Variants in PPP1R3D observed in about 807,000 individuals in gnomAD.
The protein encoded by PPP1R3D is protein phosphatase 1 regulatory subunit 3D, also known as PP1 subunit R6.
In PPP1R3D, 27 loss-of-function variants were observed where a neutral mutation model predicts 16.3. The ratio of observed to expected loss-of-function variants is 1.66; its 90% confidence interval spans 1.22 to 2.29. PPP1R3D has a LOEUF of 2.29. PPP1R3D is among the 30% of genes most tolerant of loss of function. PPP1R3D has a pLI of 0.00. For missense variants in PPP1R3D, 472 were observed against 438.3 expected (o/e 1.08, Z -0.69); for synonymous variants, 223 against 209.7 (o/e 1.06, Z -0.55).
rs751359121 is a variant in PPP1R3D at position 59,939,332 on chromosome 20, G to C, written c.600C>G (p.Phe200Leu). Residue 200 changes from phenylalanine (F) to leucine (L), a missense_variant, in exon 1 of 1, where the codon TTC becomes TTG. Transcript: ENST00000370996. ...SGTVRVCNVA[F>L]EKQVAVRYTF... Reference sequence around the variant, plus strand: ...TGTAGCGCACAGCCACCTGCTTCTCGAAGGCCACGTTGCACACGCGCACCG... The same window carrying C: ...TGTAGCGCACAGCCACCTGCTTCTCCAAGGCCACGTTGCACACGCGCACCG... 12 of 1,611,388 alleles carry C rather than the reference G, an allele frequency of 7.4e-6. No individual in the cohort carries two copies. In the African/African-American group the frequency reaches 1.6e-4, roughly 22 times the overall value.
rs1449347966 is a variant in PPP1R3D, at chr20:59,939,083, C to CG, written c.848dup (p.Leu284AlafsTer74). The CG allele has an allele frequency of 6.3e-7, 1 of 1,587,764 alleles. No homozygotes were observed. The highest frequency in any genetic ancestry group is 8.5e-7 in the Non-Finnish European group (1 of 1,170,670). On this transcript the variant is annotated frameshift_variant, in exon 1 of 1. Transcript: ENST00000370996. LOFTEE classifies it high-confidence loss of function. ...CGCACTCCCCGCGAGGCATGTGCAGCGCGTGGTTGCGACATGTGAGGCTGT... is the reference window on the plus strand; with the variant it reads ...CGCACTCCCCGCGAGGCATGTGCAGCGGCGTGGTTGCGACATGTGAGGCTGT...
Position 59,939,558 on chromosome 20 carries a change from G to C in PPP1R3D, c.374C>G (p.Pro125Arg). The change falls in exon 1 of 1, where the codon CCG becomes CGG. Residue 125 changes from proline to arginine, a missense_variant. Physicochemically the swap from Pro to Arg is moderately radical, Grantham distance 103. Transcript: ENST00000370996. ...CGACAGCACGTGCAGCGGCACGGAC[G>C]GGTCGTCTCCCGCGTTGAACACCTT... is the stretch of plus-strand genomic sequence containing the variant. ...QVKVFNAGDD[P>R]SVPLHVLSRL... 2 of 1,611,550 alleles carry C rather than the reference G, an allele frequency of 1.2e-6. No homozygotes were observed. Among genetic ancestry groups the C allele is most frequent in the Non-Finnish European group, 1.7e-6 (2 of 1,179,404 alleles).
rs1050573083 is a variant in PPP1R3D at position 59,939,482 on chromosome 20, G to T, written c.450C>A (p.Phe150Leu). The T allele has an allele frequency of 6.2e-7, 1 of 1,612,218 alleles. No homozygotes were observed. The highest frequency in any genetic ancestry group is 1.3e-5 in the African/African-American group (1 of 75,052). The change falls in exon 1 of 1, where the codon TTC becomes TTA. Residue 150 changes from phenylalanine to leucine, a missense_variant. By Grantham distance (22) the Phe-to-Leu change is conservative. Transcript: ENST00000370996. ...DLCCSSQDLE[F>L]TLHCLVPDFP... ...AATCGGGCACCAGGCAATGCAGGGT[G>T]AACTCCAGGTCCTGGCTGCTGCAGC...
chr20:59,936,969 T>C lies in PPP1R3D; in HGVS notation c.*2063A>G, dbSNP rs2060866528. 1 of 152,674 alleles carries C rather than the reference T, an allele frequency of 6.5e-6. No individual in the cohort carries two copies. Among genetic ancestry groups the C allele is most frequent in the African/African-American group, 2.4e-5 (1 of 41,464 alleles). The allele number at this position is 152,674 out of a possible 1,614,324, so 9.5% of individuals were successfully genotyped here. A position where few individuals can be genotyped will look rare whatever the true frequency, so the allele number is the denominator to read the frequency against. On this transcript the variant is annotated 3_prime_UTR_variant, in exon 1 of 1. Transcript: ENST00000370996. ...TAACATCTAAGTAATATAACTGTTT[T>C]AGGGTCTGAAAGTTCTCCTTCAGTT...
In PPP1R3D at chr20:59,940,112, G is replaced by C; in HGVS notation, c.-181C>G. The C allele has an allele frequency of 2.3e-6, 1 of 435,042 alleles. No homozygotes were observed. Among genetic ancestry groups the C allele is most frequent in the Non-Finnish European group, 4.0e-6 (1 of 247,970 alleles). The allele number at this position is 435,042 out of a possible 1,614,324, so 26.9% of individuals were successfully genotyped here. A position where few individuals can be genotyped will look rare whatever the true frequency, so the allele number is the denominator to read the frequency against. ...CCTTGCTCCTCGAGTCCTTGTCCAG[G>C]TCCTCCGCTTCTTGCGGTTAAAGAA... On this transcript the variant is annotated 5_prime_UTR_variant, in exon 1 of 1. Transcript: ENST00000370996.
Position 59,939,767 on chromosome 20 carries a change from T to A in PPP1R3D, c.165A>T (p.Pro55=). Reference sequence around the variant, plus strand: ...GGCGGGGGTCGCAGCCCGACGGCGCTGGCGTTGGCGGCGGCGCGCGGCCCG... The same window carrying A: ...GGCGGGGGTCGCAGCCCGACGGCGCAGGCGTTGGCGGCGGCGCGCGGCCCG... ...GSPGRAPPPT[P]APSGCDPRLR... Residue 55 remains proline (P), a synonymous_variant, in exon 1 of 1, where the codon CCA becomes CCT. Coordinates refer to ENST00000370996, the MANE Select transcript of PPP1R3D (RefSeq NM_006242.4). The A allele has an allele frequency of 1.6e-6, 2 of 1,222,344 alleles. No individual in the cohort carries two copies. Among genetic ancestry groups the A allele is most frequent in the Non-Finnish European group, 2.0e-6 (2 of 982,168 alleles). 75.7% of individuals were successfully genotyped at this position (1,222,344 alleles called of 1,614,324 possible). A position where few individuals can be genotyped will look rare whatever the true frequency, so the allele number is the denominator to read the frequency against.
rs774011048 is a variant in PPP1R3D, at chr20:59,939,027, G to A, written c.*5C>T. 1.3e-6 allele frequency: 2 copies of A among 1,511,622 alleles called. No individual in the cohort carries two copies. The highest frequency in any genetic ancestry group is 2.4e-5 in the East Asian group (1 of 42,400). The allele number at this position is 1,511,622 out of a possible 1,614,324, so 93.6% of individuals were successfully genotyped here. A position where few individuals can be genotyped will look rare whatever the true frequency, so the allele number is the denominator to read the frequency against. On this transcript the variant is annotated 3_prime_UTR_variant, in exon 1 of 1. Coordinates refer to ENST00000370996, the MANE Select transcript of PPP1R3D (RefSeq NM_006242.4). ...GAGGCTCCAGGTGGCCGGTCCCCGC[G>A]CGGCTCAGATGAAGTGGATCCAGCT...
chr20:59,940,020 G>T lies in PPP1R3D; in HGVS notation c.-89C>A. The T allele has an allele frequency of 9.0e-7, 1 of 1,117,276 alleles. No individual in the cohort carries two copies. Among genetic ancestry groups the T allele is most frequent in the Non-Finnish European group, 1.1e-6 (1 of 871,710 alleles). The allele number at this position is 1,117,276 out of a possible 1,614,324, so 69.2% of individuals were successfully genotyped here. The stretch of plus-strand genomic sequence containing the variant: ...TCCCTCCGTGCTCAGAAGCCGCAGA[G>T]AGTCCACCGTATCTGCAACCTGCGG... On this transcript the variant is annotated 5_prime_UTR_variant, in exon 1 of 1. Transcript: ENST00000370996.
chr20:59,939,801 G>A lies in PPP1R3D; in HGVS notation c.131C>T (p.Pro44Leu), dbSNP rs893677172. The A allele has an allele frequency of 8.1e-7, 1 of 1,230,638 alleles. No homozygotes were observed. The highest frequency in any genetic ancestry group is 1.6e-5 in the African/African-American group (1 of 64,272). 76.2% of individuals were successfully genotyped at this position (1,230,638 alleles called of 1,614,324 possible). ...CGGCGGCGCGCGGCCCGGGCTCCCA[G>A]GGGGCCTACAGGCCCGCGGCTCCAG... ...VALEPRACRPPGSPGRAPPPT... is the reference protein window; with the variant it reads ...VALEPRACRPLGSPGRAPPPT... The change falls in exon 1 of 1, where the codon CCT (proline) becomes CTT (leucine). Residue 44 changes from proline to leucine, a missense_variant. By Grantham distance (98) the Pro-to-Leu change is moderately conservative (BLOSUM62 -3). Coordinates refer to ENST00000370996, the MANE Select transcript of PPP1R3D (RefSeq NM_006242.4).
In PPP1R3D at chr20:59,938,797, C is replaced by A; in HGVS notation, c.*235G>T. On this transcript the variant is annotated 3_prime_UTR_variant, in exon 1 of 1. Coordinates refer to ENST00000370996, the MANE Select transcript of PPP1R3D (RefSeq NM_006242.4). ...CACCTACCCCACCACCCTGCCCCAA[C>A]TCATTACACAACTCGGCCTTCTGGC... 5.4e-6 allele frequency: 2 copies of A among 370,338 alleles called. No individual in the cohort carries two copies. Among genetic ancestry groups the A allele is most frequent in the Non-Finnish European group, 9.5e-6 (2 of 209,512 alleles). The allele number at this position is 370,338 out of a possible 1,614,324, so 22.9% of individuals were successfully genotyped here.
chr20:59,939,821 C>T lies in PPP1R3D; in HGVS notation c.111G>A (p.Glu37=), dbSNP rs1336257243. ...LSDLDGGVAL[E]PRACRPPGSP... ...TCCCAGGGGGCCTACAGGCCCGCGG[C>T]TCCAGGGCCACGCCGCCGTCCAGGT... Residue 37 remains glutamate, a synonymous_variant, in exon 1 of 1, where the codon GAG becomes GAA. Transcript: ENST00000370996. 2.4e-6 allele frequency: 3 copies of T among 1,236,386 alleles called. No homozygotes were observed. Among genetic ancestry groups the T allele is most frequent in the Admixed American group, 4.2e-5 (1 of 23,704 alleles). The allele number at this position is 1,236,386 out of a possible 1,614,324, so 76.6% of individuals were successfully genotyped here.
Position 59,939,047 on chromosome 20 carries a change from C to A in PPP1R3D, c.885G>T (p.Trp295Cys). ...CCCGCGCGGCTCAGATGAAGTGGAT[C>A]CAGCTCTCTTCGCACTCCCCGCGAG... is the stretch of plus-strand genomic sequence containing the variant. ...HMPRGECEES[W>C]IHFI Residue 295 changes from tryptophan to cysteine, a missense_variant, in exon 1 of 1, where the codon TGG (tryptophan) becomes TGT (cysteine). Coordinates refer to ENST00000370996, the MANE Select transcript of PPP1R3D (RefSeq NM_006242.4). The A allele has an allele frequency of 6.5e-7, 1 of 1,539,680 alleles. No individual in the cohort carries two copies. Among genetic ancestry groups the A allele is most frequent in the South Asian group, 1.2e-5 (1 of 84,952 alleles).
Position 59,939,954 on chromosome 20 carries a change from T to A in PPP1R3D, c.-23A>T, listed in dbSNP as rs1173968972. On this transcript the variant is annotated 5_prime_UTR_variant, in exon 1 of 1. Transcript: ENST00000370996. ...CATGGCCCCGCCGGCCGTCGGAAGA[T>A]GAGGCAGGGATGAGAGACGACCTCC... is the stretch of plus-strand genomic sequence containing the variant. The A allele has an allele frequency of 1.6e-6, 2 of 1,260,322 alleles. No individual in the cohort carries two copies. The highest frequency in any genetic ancestry group is 6.2e-5 in the East Asian group (2 of 32,308). 78.1% of individuals were successfully genotyped at this position (1,260,322 alleles called of 1,614,324 possible).
rs1423408827 is a variant in PPP1R3D at position 59,937,222 on chromosome 20, C to T, written c.*1810G>A. ...ACTCATATCTAAATTCTCTGGACAACTGTCTTGCTCTCTGTTTTGGGGCCA... is the reference window on the plus strand; with the variant it reads ...ACTCATATCTAAATTCTCTGGACAATTGTCTTGCTCTCTGTTTTGGGGCCA... On this transcript the variant is annotated 3_prime_UTR_variant, in exon 1 of 1. Transcript: ENST00000370996. The T allele has an allele frequency of 9.8e-5, 15 of 152,646 alleles. No homozygotes were observed. The highest frequency in any genetic ancestry group is 7.9e-4 in the Admixed American group (12 of 15,276). The allele number at this position is 152,646 out of a possible 1,614,324, so 9.5% of individuals were successfully genotyped here. A position where few individuals can be genotyped will look rare whatever the true frequency, so the allele number is the denominator to read the frequency against.
chr20:59,939,083 C>G lies in PPP1R3D; in HGVS notation c.849G>C (p.Ala283=), dbSNP rs1402302860. ...RDYSLTCRNH[A]LHMPRGECEE... ...CGCACTCCCCGCGAGGCATGTGCAGCGCGTGGTTGCGACATGTGAGGCTGT... is the reference window on the plus strand; with the variant it reads ...CGCACTCCCCGCGAGGCATGTGCAGGGCGTGGTTGCGACATGTGAGGCTGT... The change falls in exon 1 of 1, where the codon GCG becomes GCC. Residue 283 remains alanine, a synonymous_variant. Transcript: ENST00000370996. 2 of 1,587,646 alleles carry G rather than the reference C, an allele frequency of 1.3e-6. No homozygotes were observed. Among genetic ancestry groups the G allele is most frequent in the African/African-American group, 2.7e-5 (2 of 73,990 alleles).
chr20:59,940,053 C>G lies in PPP1R3D; in HGVS notation c.-122G>C, dbSNP rs937654683. On this transcript the variant is annotated 5_prime_UTR_variant, in exon 1 of 1. Transcript: ENST00000370996. ...CGTATCTGCAACCTGCGGGGGACCTCTCGGGCCCGGTGCGCCCTACCCTTG... is the reference window on the plus strand; with the variant it reads ...CGTATCTGCAACCTGCGGGGGACCTGTCGGGCCCGGTGCGCCCTACCCTTG... The G allele has an allele frequency of 1.3e-5, 11 of 847,004 alleles. No homozygotes were observed. In the East Asian group the frequency reaches 1.4e-4, roughly 10 times the overall value. 52.5% of individuals were successfully genotyped at this position (847,004 alleles called of 1,614,324 possible). A position where few individuals can be genotyped will look rare whatever the true frequency, so the allele number is the denominator to read the frequency against.
chr20:59,939,473 A>G lies in PPP1R3D; in HGVS notation c.459T>C (p.His153=). The part of the protein sequence containing the change: ...CSSQDLEFTL[H]CLVPDFPPPV... ...GCGGCGGGAAATCGGGCACCAGGCA[A>G]TGCAGGGTGAACTCCAGGTCCTGGC... The change falls in exon 1 of 1, where the codon CAT becomes CAC. Residue 153 remains histidine (H), a synonymous_variant. Coordinates refer to ENST00000370996, the MANE Select transcript of PPP1R3D (RefSeq NM_006242.4). The G allele has an allele frequency of 6.2e-7, 1 of 1,612,136 alleles. No individual in the cohort carries two copies. Among genetic ancestry groups the G allele is most frequent in the Non-Finnish European group, 8.5e-7 (1 of 1,179,706 alleles).
rs1371551712 is a variant in PPP1R3D at position 59,940,208 on chromosome 20, CTT to C, written c.-279_-278del. On this transcript the variant is annotated 5_prime_UTR_variant, in exon 1 of 1. Coordinates refer to ENST00000370996, the MANE Select transcript of PPP1R3D (RefSeq NM_006242.4). ...CTCCCGGGAGCGCAGGGTAGCGCCTCTTTTTTCTTCTTGCTTCCTTGGAGGTT... is the reference window on the plus strand; with the variant it reads ...CTCCCGGGAGCGCAGGGTAGCGCCTCTTTTCTTCTTGCTTCCTTGGAGGTT... The C allele has an allele frequency of 6.1e-6, 2 of 328,234 alleles. No homozygotes were observed. Among genetic ancestry groups the C allele is most frequent in the East Asian group, 1.0e-4 (2 of 19,830 alleles). The allele number at this position is 328,234 out of a possible 1,614,324, so 20.3% of individuals were successfully genotyped here.
Position 59,939,073 on chromosome 20 carries a change from G to GCATGTGCAGCGCGTGGTTGCGA in PPP1R3D, c.837_858dup (p.Pro287SerfsTer78). ...CAGCTCTCTTCGCACTCCCCGCGAG[G>GCATGTGCAGCGCGTGGTTGCGA]CATGTGCAGCGCGTGGTTGCGACAT... On this transcript the variant is annotated frameshift_variant, in exon 1 of 1. Coordinates refer to ENST00000370996, the MANE Select transcript of PPP1R3D (RefSeq NM_006242.4). LOFTEE classifies it high-confidence loss of function. The GCATGTGCAGCGCGTGGTTGCGA allele has an allele frequency of 6.3e-7, 1 of 1,576,484 alleles. No homozygotes were observed. Among genetic ancestry groups the GCATGTGCAGCGCGTGGTTGCGA allele is most frequent in the Non-Finnish European group, 8.6e-7 (1 of 1,163,908 alleles).
Sources: gnomAD v4.1 joint callset for allele counts on GRCh38, gnomAD v4.1.1 for gene constraint, MANE v1.5 for transcripts, NCBI Gene and HGNC (gene_info 2026-07-23, HGNC 2026-07-21) for gene names.